The following CORIN variants were observed in gnomAD, a reference collection of about 807,000 sequenced individuals.
The protein encoded by CORIN is corin, serine peptidase.
A neutral mutation model predicts 125.3 loss-of-function variants in CORIN; 117 were observed. The ratio of observed to expected loss-of-function variants is 0.93; its 90% CI spans 0.80 to 1.09. CORIN has a LOEUF of 1.09. CORIN is among the 50% of genes least tolerant of loss of function. The probability of loss-of-function intolerance (pLI) is 0.00; values close to 1 mark genes in which losing one functional copy is unlikely to be tolerated. For missense variants in CORIN, 1,253 were observed against 1,306.7 expected (o/e 0.96, Z 0.63); for synonymous variants, 450 against 466.4 (o/e 0.96, Z 0.45).
At chr4:47,733,274 C>A (rs188723763) in intron 5 of CORIN, among the ~76,000 whole-genome samples, 1 of 152,178 alleles carries the variant, frequency 6.6e-6, no homozygotes, top group African/African-American at 2.4e-5. Flanking sequence ...ACATGCTCAG[C>A]GCCTTCACGA....
At chr4:47,773,481 T>C (rs1009039978) in intron 3 of CORIN, among the ~76,000 whole-genome samples, 4 of 152,200 alleles carry the variant, frequency 2.6e-5, no homozygotes, top group Admixed American at 2.6e-4. Context: ...TTACACCAGC[T>C]GGGTATTGTG....
intron 19 of CORIN, among the ~76,000 whole-genome samples, chr4:47,605,012 G>A (rs62298031): frequency 0.25 from 37,618 of 151,914 alleles, 5,417 homozygotes; most frequent in East Asian, 0.64. Context: ...AACATGCCAA[G>A]AGCATCCTCA....
In CORIN at chr4:47,789,737, G is replaced by A. The variant is rs538787328; in HGVS notation, c.209-2812C>T. Among the ~76,000 whole-genome samples the A allele has an allele frequency of 4.8e-4, 73 of 152,194 alleles. 2 individuals carry two copies. The South Asian group carries it at 0.015, about 30-fold the overall frequency. On this transcript the variant is annotated intron_variant, in intron 2 of 21. Coordinates refer to ENST00000273857, the MANE Select transcript of CORIN (RefSeq NM_006587.4). ...TCATGATGAGCTATAAAAATGCTAA[G>A]AGGCCGGGCGCGGTGGCTCACGCCT...
At chr4:47,677,483 T>C (rs544241477) in intron 9 of CORIN, among the ~76,000 whole-genome samples, 1 of 152,372 alleles carries the variant, frequency 6.6e-6, no homozygotes, top group East Asian at 1.9e-4. Context: ...GTTTTTCTTT[T>C]TGAGATTCAC....
intron 10 of CORIN, among the ~76,000 whole-genome samples, chr4:47,666,801 C>T (rs1164849003): frequency 1.3e-5 from 2 of 152,214 alleles, no homozygotes; most frequent in Admixed American, 6.5e-5. Flanking sequence ...TCCTGCACTT[C>T]CAGCCTTCAG....
chr4:47,623,651 C>G lies in CORIN; in HGVS notation c.2460G>C (p.Gln820His). 6.2e-7 allele frequency: 1 copy of G among 1,614,230 alleles called. No individual in the cohort carries two copies. The highest frequency in any genetic ancestry group is 8.5e-7 in the Non-Finnish European group (1 of 1,180,030). ...PGRWPWQCSL[Q>H]SEPSGHICGC... is the part of the protein sequence containing the mutation. The stretch of plus-strand genomic sequence containing the variant: ...CACAGATATGTCCACTGGGTTCACT[C>G]TGCAGAGAACACTGCCATGGCCACC... Residue 820 changes from glutamine to histidine, a missense_variant, in exon 19 of 22, where the codon CAG becomes CAC. Gln to His is a conservative substitution (Grantham distance 24). Transcript: ENST00000273857.
intron 16 of CORIN, among the ~76,000 whole-genome samples, chr4:47,634,825 A>G (rs1365120905): frequency 2.6e-5 from 4 of 152,132 alleles, no homozygotes; most frequent in Admixed American, 2.6e-4. Context: ...GGTTGCTCCC[A>G]TTTGGAGCCC....
chr4:47,741,220 C>A (rs754475481), intron 5 of CORIN, among the ~76,000 whole-genome samples: 4 of 151,856 alleles, frequency 2.6e-5, no homozygotes, highest in East Asian at 1.9e-4. Context: ...ATATAAAGAA[C>A]CTGACAATTC....
rs781733056 is a variant in CORIN, at chr4:47,623,589, A to T, written c.2522T>A (p.Val841Asp). The stretch of plus-strand genomic sequence containing the variant: ...AGCTTACCCCTCGAAGCAGTGGGCA[A>T]CTGTCAGAACCCACTTCTTGGCAAT... The part of the protein sequence containing the change: ...VLIAKKWVLT[V>D]AHCFEGRENA... Residue 841 changes from valine (V) to aspartate (D), a missense_variant, in exon 19 of 22, where the codon GTT (valine) becomes GAT (aspartate). By Grantham distance (152) the Val-to-Asp change is radical. Coordinates refer to ENST00000273857, the MANE Select transcript of CORIN (RefSeq NM_006587.4). The T allele has an allele frequency of 1.2e-5, 19 of 1,614,014 alleles. No homozygotes were observed. The Admixed American group carries it at 3.2e-4, about 27-fold the overall frequency.
At chr4:47,716,562 T>C (rs1000406735) in intron 5 of CORIN, among the ~76,000 whole-genome samples, 2 of 152,292 alleles carry the variant, frequency 1.3e-5, no homozygotes, top group South Asian at 4.1e-4. Context: ...ATTTACATAG[T>C]AAAGGAAATT....
At chr4:47,789,542 G>C (rs1345760585) in intron 2 of CORIN, among the ~76,000 whole-genome samples, 2 of 152,244 alleles carry the variant, frequency 1.3e-5, no homozygotes, top group East Asian at 3.9e-4. Flanking sequence ...TTTGGGGGAA[G>C]AGAAACAGAA....
At chr4:47,709,770 T>G (rs1265084318) in intron 5 of CORIN, among the ~76,000 whole-genome samples, 1 of 152,242 alleles carries the variant, frequency 6.6e-6, no homozygotes, top group African/African-American at 2.4e-5. Context: ...AAAATTATTT[T>G]CATTCTGAAT....
intron 6 of CORIN, among the ~76,000 whole-genome samples, chr4:47,689,627 A>G (rs745421624): frequency 2.0e-5 from 3 of 152,210 alleles, no homozygotes; most frequent in Non-Finnish European, 4.4e-5. Context: ...TTGAGTTTCT[A>G]ATTTAAAATT....
At chr4:47,669,163 C>A (rs144667161) in intron 10 of CORIN, among the ~76,000 whole-genome samples, 2 of 152,032 alleles carry the variant, frequency 1.3e-5, no homozygotes, top group African/African-American at 4.8e-5. Context: ...AGAAAAAAAT[C>A]CTGATGGAAT....
intron 3 of CORIN, among the ~76,000 whole-genome samples, chr4:47,764,752 C>T (rs1729631036): frequency 6.6e-6 from 1 of 152,046 alleles, no homozygotes. Flanking sequence ...TTCTTAATGG[C>T]TCATGAAAGG....
chr4:47,649,793 C>A (rs1041816221), intron 13 of CORIN, among the ~76,000 whole-genome samples: 1 of 152,174 alleles, frequency 6.6e-6, no homozygotes, highest in African/African-American at 2.4e-5. Context: ...GAAAATTAAA[C>A]CCTACTGAGT....
At chr4:47,826,892 C>A (rs1577956860) in intron 1 of CORIN, among the ~76,000 whole-genome samples, 1 of 151,222 alleles carries the variant, frequency 6.6e-6, no homozygotes, top group South Asian at 2.1e-4. Flanking sequence ...CTGAGAAATG[C>A]TATAAGGGTA....
At chr4:47,684,770 C>G (rs1714482294) in intron 6 of CORIN, among the ~76,000 whole-genome samples, 1 of 152,002 alleles carries the variant, frequency 6.6e-6, no homozygotes, top group Admixed American at 6.6e-5. Flanking sequence ...CTATAGAACT[C>G]TTACATTCAA....
intron 5 of CORIN, among the ~76,000 whole-genome samples, chr4:47,737,665 A>C (rs923502491): frequency 2.6e-5 from 4 of 152,242 alleles, no homozygotes; most frequent in Admixed American, 2.0e-4. Context: ...CTGAAGCTTA[A>C]TAAATACTCT....
Sources: gnomAD v4.1 joint callset for allele counts (sites outside exome capture counted in the v4.1 genomes callset) on GRCh38, gnomAD v4.1.1 for gene constraint, MANE v1.5 for transcripts, NCBI Gene and HGNC (gene_info 2026-07-23, HGNC 2026-07-21) for gene names.